The following KYAT3 variants were observed in gnomAD, a reference collection of about 807,000 sequenced individuals.
The protein encoded by KYAT3 is kynurenine--oxoglutarate transaminase 3.
KYAT3 carries 50 observed loss-of-function variants against 59.0 expected under a neutral mutation model. That is an observed-to-expected ratio of 0.85 (90% CI 0.68 to 1.07). The LOEUF is 1.07. KYAT3 is among the 50% of genes least tolerant of loss of function. KYAT3 has a pLI of 0.00. For missense variants in KYAT3, 497 were observed against 533.3 expected (o/e 0.93, Z 0.67); for synonymous variants, 148 against 177.0 (o/e 0.84, Z 1.30).
At chr1:88,948,675 A>G (rs1180475457) in intron 11 of KYAT3, among the ~76,000 whole-genome samples, 2 of 152,236 alleles carry the variant, frequency 1.3e-5, no homozygotes, top group Non-Finnish European at 2.9e-5. Context: ...AGTACATTCT[A>G]AAATGGCAAA....
In KYAT3 at chr1:88,968,750, T is replaced by G; in HGVS notation, c.223A>C (p.Ile75Leu). The G allele has an allele frequency of 6.2e-7, 1 of 1,602,108 alleles. No individual in the cohort carries two copies. The highest frequency in any genetic ancestry group is 8.5e-7 in the Non-Finnish European group (1 of 1,176,620). The change falls in exon 4 of 14, where the codon ATA becomes CTA. Residue 75 changes from isoleucine (I) to leucine (L), a missense_variant. Ile to Leu is a conservative substitution (Grantham distance 5). This residue lies in a region of KYAT3 where 469 missense variants were observed against 479.1 expected (regional missense o/e 0.98). Coordinates refer to ENST00000260508, the MANE Select transcript of KYAT3 (RefSeq NM_001008661.3). ...TCTTTTACATATGTAGGAGGGGATA[T>G]ATCTGGAAAGCCTTGGCCAAGATTC... ...VVNLGQGFPD[I>L]SPPTYVKEEL...
rs776138654 is a variant in KYAT3 at position 88,983,235 on chromosome 1, G to C, written c.99+5017C>G. On this transcript the variant is annotated intron_variant, in intron 2 of 13. Transcript: ENST00000260508. ...TAAACATCTCTACGAGAGGGGAGCG[G>C]TTCCCTTCGAGGTGGACCTCCATAA... The C allele has an allele frequency of 3.1e-6, 5 of 1,613,244 alleles. No individual in the cohort carries two copies. In the African/African-American group the frequency reaches 6.7e-5, roughly 22 times the overall value.
rs529270138 is a variant in KYAT3 at position 88,978,965 on chromosome 1, T to G, written c.99+9287A>C. ...CCACCACACCTGGTGGAGTTGTGAT[T>G]TTTGCTAAAGGGCAGAGTACATGCT... On this transcript the variant is annotated intron_variant, in intron 2 of 13. Transcript: ENST00000260508. Among the ~76,000 whole-genome samples, 20 of 152,222 alleles carry G rather than the reference T, an allele frequency of 1.3e-4. No homozygotes were observed. The South Asian group carries it at 3.9e-3, about 30-fold the overall frequency.
upstream of KYAT3, chr1:88,992,733 G>A (rs930686586): frequency 1.3e-5 from 2 of 152,346 alleles, no homozygotes; most frequent in East Asian, 1.9e-4. Flanking sequence ...CGGAGGGGTA[G>A]GCCAGGATCT....
chr1:88,984,023 CT>C, intron 2 of KYAT3: 1 of 630,088 alleles, frequency 1.6e-6, no homozygotes, highest in Non-Finnish European at 2.8e-6. Flanking sequence ...AGGAAAATTA[CT>C]TTCTTTTGCC....
At chr1:88,953,706 G>A (rs17130662) in intron 9 of KYAT3, among the ~76,000 whole-genome samples, 4,923 of 152,132 alleles carry the variant, frequency 0.032, 241 homozygotes, top group African/African-American at 0.11. Context: ...AACAGCCGGC[G>A]ATCATTATTA....
chr1:88,956,661 T>A (rs1675930164), intron 8 of KYAT3, among the ~76,000 whole-genome samples: 1 of 152,158 alleles, frequency 6.6e-6, no homozygotes, highest in Non-Finnish European at 1.5e-5. Flanking sequence ...CAGTAATTCT[T>A]AAGCTGAGAC....
intron 2 of KYAT3, 21 bp downstream of exon 2, chr1:88,988,231 C>T (rs370695829): frequency 2.6e-6 from 4 of 1,510,248 alleles, no homozygotes; most frequent in African/African-American, 2.8e-5. Flanking sequence ...AATAATTTAT[C>T]TGTAAGTAAG....
intron 2 of KYAT3, chr1:88,982,662 T>G: frequency 6.3e-7 from 1 of 1,598,040 alleles, no homozygotes; most frequent in South Asian, 1.1e-5. Flanking sequence ...TTCTAGTATC[T>G]GCTTCTGCCT....
the KYAT3 span, among the ~76,000 whole-genome samples, chr1:88,924,787 C>T: frequency 6.6e-6 from 1 of 152,210 alleles, no homozygotes. Context: ...TGCCATTGTT[C>T]CTGCATGGCT....
chr1:88,937,930 A>T (rs1675099520), intron 13 of KYAT3, among the ~76,000 whole-genome samples: 1 of 152,218 alleles, frequency 6.6e-6, no homozygotes, highest in Non-Finnish European at 1.5e-5. Flanking sequence ...GAGACATGAC[A>T]ACTAAATGCA....
chr1:88,968,831 T>C lies in KYAT3; in HGVS notation c.159-17A>G. 1 of 1,546,738 alleles carries C rather than the reference T, an allele frequency of 6.5e-7. No individual in the cohort carries two copies. Among genetic ancestry groups the C allele is most frequent in the Non-Finnish European group, 8.7e-7 (1 of 1,148,984 alleles). ...AATTCAATCCTAAGATTGAAAAAAA[T>C]ACTAATATTAATAAGTTCTACAATT... is the stretch of plus-strand genomic sequence containing the variant. On this transcript the variant is annotated splice_polypyrimidine_tract_variant and intron_variant, in intron 3 of 13. Coordinates refer to ENST00000260508, the MANE Select transcript of KYAT3 (RefSeq NM_001008661.3).
At chr1:88,985,546 C>G (rs1206872597) in intron 2 of KYAT3, among the ~76,000 whole-genome samples, 1 of 152,178 alleles carries the variant, frequency 6.6e-6, no homozygotes, top group African/African-American at 2.4e-5. Flanking sequence ...ATGCAAAGAG[C>G]TTTCAAGCCA....
chr1:88,948,070 T>C (rs1675515571), intron 11 of KYAT3, among the ~76,000 whole-genome samples: 1 of 150,304 alleles, frequency 6.7e-6, no homozygotes, highest in Admixed American at 6.7e-5. Flanking sequence ...CCAGCCTGGG[T>C]GACAGGGCCA....
At chr1:88,939,558 T>C (rs1454648172) in intron 13 of KYAT3, among the ~76,000 whole-genome samples, 2 of 152,226 alleles carry the variant, frequency 1.3e-5, no homozygotes, top group African/African-American at 4.8e-5. Flanking sequence ...TCAGTGTTAA[T>C]AATTGTGTGA....
At chr1:88,959,094 A>C (rs1043624158) in intron 8 of KYAT3, among the ~76,000 whole-genome samples, 1 of 152,058 alleles carries the variant, frequency 6.6e-6, no homozygotes, top group Non-Finnish European at 1.5e-5. Flanking sequence ...TCCGAGCAAC[A>C]TAGTGAGATG....
At chr1:88,927,342 A>C in the KYAT3 span, among the ~76,000 whole-genome samples, 1 of 152,156 alleles carries the variant, frequency 6.6e-6, no homozygotes, top group African/African-American at 2.4e-5. Context: ...TATCCTCTTC[A>C]AGGGGGAGAA....
At chr1:88,952,056 C>A (rs981620603) in intron 10 of KYAT3, among the ~76,000 whole-genome samples, 2 of 152,164 alleles carry the variant, frequency 1.3e-5, no homozygotes, top group African/African-American at 4.8e-5. Context: ...AATGCCAGCA[C>A]CTTGATTTTA....
chr1:88,976,919 T>C (rs1046773435), intron 2 of KYAT3, among the ~76,000 whole-genome samples: 1 of 152,256 alleles, frequency 6.6e-6, no homozygotes, highest in African/African-American at 2.4e-5. Context: ...TTAAGTGTTA[T>C]AGAAGAGTCA....
Sources: gnomAD v4.1 joint callset for allele counts (sites outside exome capture counted in the v4.1 genomes callset) on GRCh38, gnomAD v4.1.1 for gene constraint, gnomAD v4.1.1 regional missense constraint, MANE v1.5 for transcripts, NCBI Gene and HGNC (gene_info 2026-07-23, HGNC 2026-07-21) for gene names.